Variants in FSTL5 observed in about 807,000 individuals in gnomAD.
FSTL5 encodes the protein follistatin-related protein 5.
A neutral mutation model predicts 89.1 loss-of-function variants in FSTL5; 62 were observed. That is an observed-to-expected ratio of 0.70 (90% CI 0.57 to 0.86). The LOEUF (loss-of-function observed/expected upper bound fraction) is 0.86. Among genes scored for constraint, FSTL5 ranks in the 40% least tolerant of loss-of-function variants. The probability of loss-of-function intolerance (pLI) is 0.00; values close to 1 mark genes in which losing one functional copy is unlikely to be tolerated. For missense variants in FSTL5, 1,057 were observed against 1,001.6 expected, an observed-to-expected ratio of 1.06 and a Z score of -0.75; for synonymous variants, 383 against 346.2, an observed-to-expected ratio of 1.11 and a Z score of -1.18.
At chr4:162,142,905 G>C (rs1442655595) in intron 1 of FSTL5, among the ~76,000 whole-genome samples, 1 of 152,098 alleles carries the variant, frequency 6.6e-6, no homozygotes, top group Non-Finnish European at 1.5e-5. Context: ...AATTAAATGA[G>C]ATTATGTATG....
intron 8 of FSTL5, among the ~76,000 whole-genome samples, chr4:161,584,606 A>C (rs1733544260): frequency 6.6e-6 from 1 of 152,178 alleles, no homozygotes; most frequent in Non-Finnish European, 1.5e-5. Context: ...TAAAAGAGTT[A>C]ATGATAGAAG....
intron 3 of FSTL5, among the ~76,000 whole-genome samples, chr4:161,983,902 C>A (rs1195023621): frequency 1.3e-5 from 2 of 151,936 alleles, no homozygotes; most frequent in East Asian, 1.9e-4. Context: ...ATTTTTAGAT[C>A]CTGAAAAATA....
At position 161,593,713 on chromosome 4, in the gene FSTL5, A is replaced by G. The variant is rs1733912917; in HGVS notation, c.895-6138T>C. 2.6e-5 allele frequency among the ~76,000 whole-genome samples: 4 copies of G among 152,136 alleles called. No individual in the cohort carries two copies. In the South Asian group the frequency reaches 8.3e-4, roughly 31 times the overall value. On this transcript the variant is annotated intron_variant, in intron 7 of 15. Transcript: ENST00000306100. ...AATATCATATTATATACGATCAATCATACCACATTTCTACAGCTCCCAGAG... is the reference window on the plus strand; with the variant it reads ...AATATCATATTATATACGATCAATCGTACCACATTTCTACAGCTCCCAGAG...
At chr4:161,940,237 C>T (rs571756762) in intron 3 of FSTL5, among the ~76,000 whole-genome samples, 218 of 151,778 alleles carry the variant, frequency 1.4e-3, no homozygotes, top group African/African-American at 4.9e-3. Context: ...TAATTATCCA[C>T]GTTGTTGAGT....
intron 4 of FSTL5, among the ~76,000 whole-genome samples, chr4:161,882,495 T>C (rs952747830): frequency 2.0e-4 from 31 of 152,162 alleles, no homozygotes; most frequent in Non-Finnish European, 4.1e-4. Flanking sequence ...TCTGTTCTTA[T>C]CTGTTTGTTA....
At chr4:161,845,779 C>T (rs913926930) in intron 4 of FSTL5, among the ~76,000 whole-genome samples, 42 of 152,166 alleles carry the variant, frequency 2.8e-4, no homozygotes, top group Admixed American at 1.2e-3. Flanking sequence ...GTGGGCCAGG[C>T]GCACGTCTGT....
At chr4:161,671,858 G>A (rs1343626451) in intron 6 of FSTL5, among the ~76,000 whole-genome samples, 1 of 152,112 alleles carries the variant, frequency 6.6e-6, no homozygotes, top group Non-Finnish European at 1.5e-5. Flanking sequence ...GACTTCCTAA[G>A]TCTGGCATGT....
intron 10 of FSTL5, among the ~76,000 whole-genome samples, chr4:161,535,849 A>G (rs1326896862): frequency 2.6e-5 from 4 of 152,112 alleles, no homozygotes; most frequent in Admixed American, 6.6e-5. Context: ...GTGCCTATCA[A>G]TGGTGGGCTG....
At chr4:161,416,743 G>A (rs919299781) in intron 15 of FSTL5, among the ~76,000 whole-genome samples, 1 of 151,728 alleles carries the variant, frequency 6.6e-6, no homozygotes, top group Admixed American at 6.6e-5. Context: ...TACTCGGGAG[G>A]CTGAGGGAGG....
At chr4:161,849,266 G>GT (rs1731475883) in intron 4 of FSTL5, among the ~76,000 whole-genome samples, 1 of 152,066 alleles carries the variant, frequency 6.6e-6, no homozygotes, top group Admixed American at 6.6e-5. Flanking sequence ...GCATGATTGT[G>GT]TTTTTTGGTT....
At chr4:161,665,870 AAAAAGAAGATG>A (rs1736876305) in intron 6 of FSTL5, among the ~76,000 whole-genome samples, 1 of 151,284 alleles carries the variant, frequency 6.6e-6, no homozygotes, top group African/African-American at 2.4e-5. Context: ...CAAAAAAATA[AAAAAGAAGATG>A]AAGAAGAAGA....
intron 15 of FSTL5, among the ~76,000 whole-genome samples, chr4:161,413,254 C>CA (rs869030539): frequency 7.2e-4 from 7 of 9,708 alleles, no homozygotes; most frequent in African/African-American, 2.4e-3. Flanking sequence ...AGACACTTCT[C>CA]AAAAAAAAAA....
intron 3 of FSTL5, among the ~76,000 whole-genome samples, chr4:162,025,857 G>A (rs939863164): frequency 2.0e-5 from 3 of 151,620 alleles, no homozygotes; most frequent in African/African-American, 7.3e-5. Flanking sequence ...ACCACTTACA[G>A]AATTGCAAAC....
chr4:161,765,248 C>T (rs1431013177), intron 5 of FSTL5, among the ~76,000 whole-genome samples: 2 of 152,180 alleles, frequency 1.3e-5, no homozygotes, highest in Non-Finnish European at 2.9e-5. Flanking sequence ...TTATGCTTTA[C>T]ACTCTCTGAT....
intron 4 of FSTL5, among the ~76,000 whole-genome samples, chr4:161,829,725 C>T (rs1158771857): frequency 1.3e-5 from 2 of 152,046 alleles, no homozygotes; most frequent in African/African-American, 2.4e-5. Flanking sequence ...TCTGTGCTTT[C>T]TAAATGGTAA....
chr4:161,917,122 T>G (rs911057395), intron 4 of FSTL5, among the ~76,000 whole-genome samples: 2 of 152,166 alleles, frequency 1.3e-5, no homozygotes, highest in African/African-American at 4.8e-5. Flanking sequence ...CTGACTAATT[T>G]TTTTGTATTT....
chr4:161,619,229 T>G (rs1735014487), intron 7 of FSTL5, among the ~76,000 whole-genome samples: 2 of 152,176 alleles, frequency 1.3e-5, no homozygotes, highest in Admixed American at 6.5e-5. Context: ...CCTAAAACCA[T>G]AAAAACCCTA....
At chr4:161,671,818 A>G (rs1737124459) in intron 6 of FSTL5, among the ~76,000 whole-genome samples, 1 of 152,172 alleles carries the variant, frequency 6.6e-6, no homozygotes, top group African/African-American at 2.4e-5. Context: ...TGGAATTTCT[A>G]GTCCGTGACA....
intron 8 of FSTL5, among the ~76,000 whole-genome samples, chr4:161,552,251 G>A (rs1024672463): frequency 2.0e-5 from 3 of 151,550 alleles, no homozygotes; most frequent in African/African-American, 7.3e-5. Flanking sequence ...AAAAAGACAG[G>A]GAATCAGAAT....
Sources: allele counts gnomAD v4.1 joint callset (sites outside exome capture counted in the v4.1 genomes callset), GRCh38; gene constraint gnomAD v4.1.1; transcripts MANE v1.5; gene names NCBI Gene and HGNC (gene_info 2026-07-23, HGNC 2026-07-21).